Variants in MGAT4C observed in about 807,000 individuals in gnomAD.
The protein encoded by MGAT4C is MGAT4 family member C.
In MGAT4C, 19 loss-of-function variants were observed where a neutral mutation model predicts 40.1. That is an observed-to-expected ratio of 0.47 (90% confidence interval 0.33 to 0.70). The LOEUF is 0.70. Ranked by LOEUF, MGAT4C falls within the 30% of genes least tolerant of loss-of-function variation. The probability of loss-of-function intolerance (pLI) is 0.02; values close to 1 mark genes in which losing one functional copy is unlikely to be tolerated. For synonymous variants in MGAT4C, 181 were observed against 187.1 expected (o/e 0.97, Z 0.27); for missense variants, 491 against 563.2 (o/e 0.87, Z 1.30).
At position 85,972,783 on chromosome 12, in the gene MGAT4C, C is replaced by A. The variant is rs760042315; in HGVS notation, c.*6506G>T. On this transcript the variant is annotated 3_prime_UTR_variant, in exon 5 of 5. Coordinates refer to ENST00000611864, the MANE Select transcript of MGAT4C (RefSeq NM_001351288.2). The stretch of plus-strand genomic sequence containing the variant: ...ATTATTCTAACTTTTTGGAACTATA[C>A]TTTCACTCATTGATGAAGTAAGTTA... The A allele has an allele frequency of 1.3e-5, 2 of 150,928 alleles. No individual in the cohort carries two copies. The highest frequency in any genetic ancestry group is 1.9e-4 in the East Asian group (1 of 5,174). 9.3% of individuals were successfully genotyped at this position (150,928 alleles called of 1,614,324 possible).
chr12:86,422,052 C>T (rs993266634), intron 3 of MGAT4C, among the ~76,000 whole-genome samples: 3 of 151,976 alleles, frequency 2.0e-5, no homozygotes, highest in African/African-American at 7.3e-5. Flanking sequence ...TGAATTGAGG[C>T]TTAGAAATGG....
chr12:86,394,392 A>G (rs1220274545), intron 3 of MGAT4C, among the ~76,000 whole-genome samples: 1 of 150,968 alleles, frequency 6.6e-6, no homozygotes, highest in African/African-American at 2.4e-5. Context: ...AAGAGGCTGT[A>G]TGCTCCATTG....
chr12:86,632,980 A>G (rs1963108336), intron 2 of MGAT4C, among the ~76,000 whole-genome samples: 1 of 152,058 alleles, frequency 6.6e-6, no homozygotes, highest in Non-Finnish European at 1.5e-5. Context: ...TTACACATAA[A>G]AAGTTTTATT....
intron 3 of MGAT4C, among the ~76,000 whole-genome samples, chr12:86,419,340 C>A (rs1265908075): frequency 7.9e-5 from 12 of 151,526 alleles, no homozygotes; most frequent in Non-Finnish European, 1.8e-4. Flanking sequence ...TAAAAATGAA[C>A]AAAGAAACTG....
intron 2 of MGAT4C, among the ~76,000 whole-genome samples, chr12:86,617,869 AT>A (rs1185341734): frequency 6.6e-6 from 1 of 152,212 alleles, no homozygotes; most frequent in Non-Finnish European, 1.5e-5. Context: ...TGCATAGCAA[AT>A]GAAACAATCG....
chr12:86,636,074 G>T (rs1305270229), intron 2 of MGAT4C, among the ~76,000 whole-genome samples: 1 of 151,944 alleles, frequency 6.6e-6, no homozygotes, highest in Non-Finnish European at 1.5e-5. Context: ...TGCTGCACAG[G>T]TTTGTAGCCT....
intron 2 of MGAT4C, among the ~76,000 whole-genome samples, chr12:86,645,142 A>T (rs1457620826): frequency 6.6e-6 from 1 of 151,624 alleles, no homozygotes; most frequent in African/African-American, 2.4e-5. Context: ...TTCATAGCTG[A>T]AAAATGCATT....
At chr12:86,012,781 C>CAAACAACAACA (rs763608266) in intron 2 of MGAT4C, among the ~76,000 whole-genome samples, 1 of 98,260 alleles carries the variant, frequency 1.0e-5, no homozygotes, top group Non-Finnish European at 2.2e-5. Context: ...CAACAACAAC[C>CAAACAACAACA]ACCACCACCA....
In MGAT4C at chr12:86,346,152, C is replaced by T. The variant is rs555255201; in HGVS notation, c.-119-12025G>A. 4.6e-5 allele frequency among the ~76,000 whole-genome samples: 7 copies of T among 152,254 alleles called. No homozygotes were observed. The South Asian group carries it at 1.5e-3, about 32-fold the overall frequency. On this transcript the variant is annotated intron_variant, in intron 3 of 7. Coordinates refer to the MGAT4C transcript ENST00000548651. The stretch of plus-strand genomic sequence containing the variant: ...AAATCCTGGTTTGCATTATAATATG[C>T]AGCATCAGAAGAAGGCCACCTATCA...
intron 1 of MGAT4C, among the ~76,000 whole-genome samples, chr12:86,197,720 A>G (rs1189556078): frequency 6.6e-6 from 1 of 152,226 alleles, no homozygotes; most frequent in Non-Finnish European, 1.5e-5. Flanking sequence ...GTAGATATAT[A>G]GAGAGATGAT....
At chr12:86,279,947 T>C (rs1301486048) in intron 4 of MGAT4C, among the ~76,000 whole-genome samples, 1 of 152,066 alleles carries the variant, frequency 6.6e-6, no homozygotes, top group African/African-American at 2.4e-5. Context: ...CCAAAATTCC[T>C]TGTTATTGAT....
At chr12:86,048,907 A>G (rs1403239470) in intron 2 of MGAT4C, among the ~76,000 whole-genome samples, 1 of 152,038 alleles carries the variant, frequency 6.6e-6, no homozygotes, top group Non-Finnish European at 1.5e-5. Context: ...ATAATAAACT[A>G]TTCAGTGGTG....
At chr12:86,777,476 G>T (rs1460536627) in intron 1 of MGAT4C, among the ~76,000 whole-genome samples, 1 of 152,138 alleles carries the variant, frequency 6.6e-6, no homozygotes, top group African/African-American at 2.4e-5. Context: ...ATTAAAAAGT[G>T]TCCTGGCGTG....
chr12:86,294,636 T>C (rs79695078), intron 4 of MGAT4C, among the ~76,000 whole-genome samples: 1,918 of 152,276 alleles, frequency 0.013, 39 homozygotes, highest in African/African-American at 0.042. Flanking sequence ...ATGTGAAATA[T>C]TCAGTAAAGT....
At chr12:86,774,352 TCCCC>T (rs1565981774) in intron 1 of MGAT4C, among the ~76,000 whole-genome samples, 988 of 55,012 alleles carry the variant, frequency 0.018, 20 homozygotes, top group Non-Finnish European at 0.026. Flanking sequence ...TCTCTCTCTC[TCCCC>T]TCTCTCTCTC....
chr12:86,107,059 T>C (rs774875171), intron 1 of MGAT4C, among the ~76,000 whole-genome samples: 6 of 152,172 alleles, frequency 3.9e-5, no homozygotes, highest in Non-Finnish European at 1.5e-5. Context: ...GAAACATAAG[T>C]GTTTTTCTTT....
At chr12:86,779,726 A>G (rs771472952) in intron 1 of MGAT4C, among the ~76,000 whole-genome samples, 2 of 152,046 alleles carry the variant, frequency 1.3e-5, no homozygotes, top group Non-Finnish European at 2.9e-5. Flanking sequence ...ATCCTGGCTA[A>G]CGCGGTGAAA....
chr12:86,686,465 T>C (rs908329991), intron 2 of MGAT4C, among the ~76,000 whole-genome samples: 1 of 152,160 alleles, frequency 6.6e-6, no homozygotes, highest in African/African-American at 2.4e-5. Context: ...TGATATTTGC[T>C]CTGGGTTTGT....
chr12:86,471,558 G>A (rs1273783703), intron 2 of MGAT4C, among the ~76,000 whole-genome samples: 2 of 151,908 alleles, frequency 1.3e-5, no homozygotes, highest in African/African-American at 4.8e-5. Context: ...GAGAAGTAGA[G>A]GCACAAAGTA....
Sources: allele counts gnomAD v4.1 joint callset (sites outside exome capture counted in the v4.1 genomes callset), GRCh38; gene constraint gnomAD v4.1.1; transcripts MANE v1.5; gene names NCBI Gene and HGNC (gene_info 2026-07-23, HGNC 2026-07-21).